Variants in SPI1 observed in about 807,000 individuals in gnomAD.
SPI1 encodes the protein transcription factor PU.1.
A neutral mutation model predicts 30.7 loss-of-function variants in SPI1; 3 were observed. That is an observed-to-expected ratio of 0.10 (90% CI 0.04 to 0.25). The LOEUF (loss-of-function observed/expected upper bound fraction) is 0.25, where lower values mean the gene tolerates loss of function less well. Ranked by LOEUF, SPI1 falls within the 10% of genes least tolerant of loss-of-function variation. SPI1 has a pLI of 1.00. For synonymous variants in SPI1, 169 were observed against 157.1 expected, an observed-to-expected ratio of 1.08 and a Z score of -0.56; for missense variants, 261 against 371.5, an observed-to-expected ratio of 0.70 and a Z score of 2.45.
Position 47,378,508 on chromosome 11 carries a change from C to T in SPI1, c.-155G>A, listed in dbSNP as rs1210399188. ...GCTACAGGAGCCCTGGGTGAGCCCCCTCCCTTGACATTGCAGGGCCAGCAC... is the reference window on the plus strand; with the variant it reads ...GCTACAGGAGCCCTGGGTGAGCCCCTTCCCTTGACATTGCAGGGCCAGCAC... On this transcript the variant is annotated 5_prime_UTR_variant, in exon 1 of 5. Coordinates refer to ENST00000378538, the MANE Select transcript of SPI1 (RefSeq NM_003120.3). 1 of 708,430 alleles carries T rather than the reference C, an allele frequency of 1.4e-6. No homozygotes were observed. 43.9% of individuals were successfully genotyped at this position (708,430 alleles called of 1,614,324 possible). A position where few individuals can be genotyped will look rare whatever the true frequency, so the allele number is the denominator to read the frequency against.
intron 2 of SPI1, among the ~76,000 whole-genome samples, chr11:47,364,708 T>C (rs2095926009): frequency 6.6e-6 from 1 of 152,114 alleles, no homozygotes; most frequent in Non-Finnish European, 1.5e-5. Context: ...AGCTCCACAT[T>C]AGACCCATGA....
intron 1 of SPI1, 57 bp downstream of exon 1, chr11:47,378,252 G>A: frequency 6.3e-7 from 1 of 1,577,010 alleles, no homozygotes; most frequent in South Asian, 1.1e-5. Context: ...TTCGTGGGCA[G>A]GCAGGCAGGC....
rs543321479 is a variant in SPI1 at position 47,370,307 on chromosome 11, G to A, written c.142+5326C>T. 3.3e-5 allele frequency among the ~76,000 whole-genome samples: 5 copies of A among 151,978 alleles called. No homozygotes were observed. The South Asian group carries it at 1.0e-3, about 32-fold the overall frequency. On this transcript the variant is annotated intron_variant, in intron 2 of 4. Transcript: ENST00000378538. ...AATCCCAGCTACCCAGGAGGCTGAA[G>A]CAGGAGAATTGCTGGAACCCGGGAA...
chr11:47,357,690 C>G (rs1246486418), intron 4 of SPI1, among the ~76,000 whole-genome samples: 1 of 152,248 alleles, frequency 6.6e-6, no homozygotes, highest in Non-Finnish European at 1.5e-5. Flanking sequence ...CTCAGCCTTC[C>G]AAGTAGCTGG....
chr11:47,354,886 T>G lies in SPI1; in HGVS notation c.*341A>C. ...GGATTGAGAATAACTTTACTTGTTT[T>G]TTGGGAGGAGGTTAATGGGTGGGAG... On this transcript the variant is annotated 3_prime_UTR_variant, in exon 5 of 5. Transcript: ENST00000378538. 1 of 221,178 alleles carries G rather than the reference T, an allele frequency of 4.5e-6. No individual in the cohort carries two copies. The highest frequency in any genetic ancestry group is 8.9e-6 in the Non-Finnish European group (1 of 112,174). The allele number at this position is 221,178 out of a possible 1,614,324, so 13.7% of individuals were successfully genotyped here.
intron 2 of SPI1, among the ~76,000 whole-genome samples, chr11:47,365,947 G>T (rs531880452): frequency 6.6e-6 from 1 of 152,276 alleles, no homozygotes; most frequent in South Asian, 2.1e-4. Flanking sequence ...CACCCGCCTT[G>T]GCCTTCCAAA....
intron 2 of SPI1, among the ~76,000 whole-genome samples, chr11:47,369,109 A>C (rs4752986): frequency 4.6e-5 from 7 of 152,174 alleles, no homozygotes; most frequent in African/African-American, 1.4e-4. Flanking sequence ...GAAATTAGCC[A>C]GGTGTGGTGG....
rs767864764 is a variant in SPI1, at chr11:47,359,016, G to A, written c.331-10C>T. On this transcript the variant is annotated splice_polypyrimidine_tract_variant and intron_variant, in intron 3 of 4. Coordinates refer to ENST00000378538, the MANE Select transcript of SPI1 (RefSeq NM_003120.3). The surrounding 1 kb of genome is among the most constrained non-coding windows in gnomAD (Gnocchi z 5.1). ...GGGGCAGGTAGGAGACCTGGACGGT[G>A]GGGGAAGGAGATCAGAGTCAGGAAG... The A allele has an allele frequency of 2.6e-6, 4 of 1,520,384 alleles. No individual in the cohort carries two copies. The highest frequency in any genetic ancestry group is 3.5e-6 in the Non-Finnish European group (4 of 1,136,528). 94.2% of individuals were successfully genotyped at this position (1,520,384 alleles called of 1,614,324 possible). A position where few individuals can be genotyped will look rare whatever the true frequency, so the allele number is the denominator to read the frequency against.
rs746970228 is a variant in SPI1 at position 47,378,383 on chromosome 11, C to T, written c.-30G>A. ...CCGGGCTCCGAGTCGGTCAGATCCCCTGCCTCGGTGGGGGCCAATGCAGAG... is the reference window on the plus strand; with the variant it reads ...CCGGGCTCCGAGTCGGTCAGATCCCTTGCCTCGGTGGGGGCCAATGCAGAG... On this transcript the variant is annotated 5_prime_UTR_variant, in exon 1 of 5. Coordinates refer to ENST00000378538, the MANE Select transcript of SPI1 (RefSeq NM_003120.3). 4 of 1,606,598 alleles carry T rather than the reference C, an allele frequency of 2.5e-6. No individual in the cohort carries two copies. Among genetic ancestry groups the T allele is most frequent in the African/African-American group, 2.7e-5 (2 of 74,780 alleles).
chr11:47,358,687 C>G, intron 4 of SPI1, 157 bp downstream of exon 4: 1 of 784,750 alleles, frequency 1.3e-6, no homozygotes, highest in Non-Finnish European at 2.2e-6. Context: ...CAGAGACAGC[C>G]ACAGACAGCC....
In SPI1 at chr11:47,355,210, C is replaced by T. The variant is rs1407069313; in HGVS notation, c.*17G>A. ...GCCAGCGGGGAGGCCTGGCGGGGCC[C>T]GGCGGGGGCTGCGGGCTCAGTGGGG... On this transcript the variant is annotated 3_prime_UTR_variant, in exon 5 of 5. Transcript: ENST00000378538. The T allele has an allele frequency of 1.5e-6, 2 of 1,334,750 alleles. No individual in the cohort carries two copies. The highest frequency in any genetic ancestry group is 1.9e-6 in the Non-Finnish European group (2 of 1,048,654). 82.7% of individuals were successfully genotyped at this position (1,334,750 alleles called of 1,614,324 possible).
chr11:47,376,304 C>G (rs2095942207), intron 1 of SPI1, among the ~76,000 whole-genome samples: 1 of 152,210 alleles, frequency 6.6e-6, no homozygotes, highest in African/African-American at 2.4e-5. Flanking sequence ...AACACACACA[C>G]TCACACCCCC....
At chr11:47,371,489 A>G (rs1305675238) in intron 2 of SPI1, among the ~76,000 whole-genome samples, 1 of 147,790 alleles carries the variant, frequency 6.8e-6, no homozygotes, top group Admixed American at 6.8e-5. Context: ...CAACATGGTG[A>G]AACCCCATCT....
chr11:47,359,808 A>G lies in SPI1; in HGVS notation c.330+45T>C, dbSNP rs779680681. On this transcript the variant is annotated intron_variant, in intron 3 of 4. Transcript: ENST00000378538. The surrounding 1 kb of genome is among the most constrained non-coding windows in gnomAD (Gnocchi z 5.1). The stretch of plus-strand genomic sequence containing the variant: ...CTGTGAAGCTCCCGGGCCCCACCAC[A>G]GGCCTGGCAGTCTCCTGGGGGACGG... The G allele has an allele frequency of 2.5e-6, 4 of 1,586,908 alleles. No homozygotes were observed. Among genetic ancestry groups the G allele is most frequent in the Non-Finnish European group, 3.4e-6 (4 of 1,169,860 alleles).
At chr11:47,356,713 TCA>T (rs897051112) in intron 4 of SPI1, among the ~76,000 whole-genome samples, 5 of 151,318 alleles carry the variant, frequency 3.3e-5, no homozygotes, top group African/African-American at 4.9e-5. Context: ...ATGCCCCTGC[TCA>T]CACACACATG....
chr11:47,359,452 A>G lies in SPI1; in HGVS notation c.330+401T>C, dbSNP rs1036993536. Among the ~76,000 whole-genome samples, 1 of 152,034 alleles carries G rather than the reference A, an allele frequency of 6.6e-6. No individual in the cohort carries two copies. Among genetic ancestry groups the G allele is most frequent in the Non-Finnish European group, 1.5e-5 (1 of 67,974 alleles). On this transcript the variant is annotated intron_variant, in intron 3 of 4. Coordinates refer to ENST00000378538, the MANE Select transcript of SPI1 (RefSeq NM_003120.3). The surrounding 1 kb of genome is among the most constrained non-coding windows in gnomAD (Gnocchi z 5.1). ...GGGGTGGTAGAGGTCAGCAGAGGTC[A>G]CTGATCCGGGTTAGGGTCAGTAGGG...
In SPI1 at chr11:47,359,359, G is replaced by A. The variant is rs1009612800; in HGVS notation, c.331-353C>T. ...AGAAGAGGGCATGCTAGGGACCGGT[G>A]CGTTGGGTCTGGAAGGGGGTTTCAT... On this transcript the variant is annotated intron_variant, in intron 3 of 4. Transcript: ENST00000378538. This position sits in a 1 kb window ranked among gnomAD's most constrained non-coding sequence, Gnocchi z 5.1. 1.3e-5 allele frequency among the ~76,000 whole-genome samples: 2 copies of A among 152,164 alleles called. No homozygotes were observed. Among genetic ancestry groups the A allele is most frequent in the Non-Finnish European group, 2.9e-5 (2 of 68,014 alleles).
rs2095916435 is a variant in SPI1, at chr11:47,358,908, C to T, written c.429G>A (p.Leu143=). ...CATCCGCCTCGCCGTCAGACACCTC[C>T]AGTGGGGGGCTCTGCCGCTCGCCCT... ...EEEGERQSPP[L]EVSDGEADGL... The change falls in exon 4 of 5, where the codon CTG becomes CTA. Residue 143 remains leucine, a synonymous_variant. Coordinates refer to ENST00000378538, the MANE Select transcript of SPI1 (RefSeq NM_003120.3). The T allele has an allele frequency of 1.3e-6, 2 of 1,565,062 alleles. No individual in the cohort carries two copies. Among genetic ancestry groups the T allele is most frequent in the Non-Finnish European group, 1.7e-6 (2 of 1,155,518 alleles).
At chr11:47,356,508 G>T (rs1173968809) in intron 4 of SPI1, among the ~76,000 whole-genome samples, 1 of 78,490 alleles carries the variant, frequency 1.3e-5, no homozygotes, top group Non-Finnish European at 2.7e-5. Context: ...ACACTCATAT[G>T]CCCACTCACA....
Sources: allele counts gnomAD v4.1 joint callset (sites outside exome capture counted in the v4.1 genomes callset), GRCh38; gene constraint gnomAD v4.1.1; non-coding constraint Gnocchi (gnomAD v3.1); transcripts MANE v1.5; gene names NCBI Gene and HGNC (gene_info 2026-07-23, HGNC 2026-07-21).